The following RBFOX2 variants were observed in gnomAD, a reference collection of about 807,000 sequenced individuals.
RBFOX2 encodes the protein RNA binding protein fox-1 homolog 2.
Under a neutral mutation model 49.1 loss-of-function variants are expected in RBFOX2, and 10 were observed. That is an observed-to-expected ratio of 0.20 (90% CI 0.13 to 0.35). The LOEUF is 0.35. Among genes scored for constraint, RBFOX2 ranks in the 10% least tolerant of loss-of-function variants. The probability of loss-of-function intolerance (pLI) is 1.00; values close to 1 mark genes in which losing one functional copy is unlikely to be tolerated. For synonymous variants in RBFOX2, 183 were observed against 187.4 expected (o/e 0.98, Z 0.19); for missense variants, 323 against 486.9 (o/e 0.66, Z 3.17).
rs538290201 is a variant in RBFOX2 at position 35,772,094 on chromosome 22, T to C, written c.454-3745A>G. On this transcript the variant is annotated intron_variant, in intron 4 of 11. Transcript: ENST00000405409. ...TAATATATGTAACAAATAGATTATA[T>C]AATCTGTAACAAACAGATTTAATCT... Among the ~76,000 whole-genome samples, 4 of 152,316 alleles carry C rather than the reference T, an allele frequency of 2.6e-5. No individual in the cohort carries two copies. In the East Asian group the frequency reaches 7.7e-4, roughly 29 times the overall value.
At chr22:35,984,460 C>G (rs2057608099) in intron 1 of RBFOX2, among the ~76,000 whole-genome samples, 1 of 152,164 alleles carries the variant, frequency 6.6e-6, no homozygotes, top group African/African-American at 2.4e-5. Context: ...TGTTGCTAGA[C>G]TGAAGGCACA....
chr22:35,851,189 G>C (rs1180262307), intron 1 of RBFOX2, among the ~76,000 whole-genome samples: 4 of 152,166 alleles, frequency 2.6e-5, no homozygotes, highest in Non-Finnish European at 5.9e-5. Flanking sequence ...AGCATATTTT[G>C]ATGGTATTCT....
chr22:35,945,345 A>C (rs981648719), intron 1 of RBFOX2, among the ~76,000 whole-genome samples: 7 of 152,038 alleles, frequency 4.6e-5, no homozygotes, highest in Admixed American at 4.6e-4. Context: ...ATTGGGACAT[A>C]AAAGGAATGC....
chr22:35,948,238 G>GTATGCC (rs1569507160), intron 1 of RBFOX2, among the ~76,000 whole-genome samples: 3 of 152,114 alleles, frequency 2.0e-5, no homozygotes, highest in African/African-American at 7.2e-5. Context: ...GTATGACAAC[G>GTATGCC]TATGCTTCAT....
At chr22:35,996,171 C>T (rs1339749003) in intron 1 of RBFOX2, 2 of 152,134 alleles carry the variant, frequency 1.3e-5, no homozygotes, top group Admixed American at 6.5e-5. Flanking sequence ...CTTCTTCTAA[C>T]AAAGAAAATA....
At chr22:36,010,000 A>C (rs1009730877) in intron 1 of RBFOX2, among the ~76,000 whole-genome samples, 1 of 152,104 alleles carries the variant, frequency 6.6e-6, no homozygotes. Flanking sequence ...CCTAAAACCC[A>C]TCTCTTCTAA....
chr22:35,802,126 A>G (rs1328942937), intron 2 of RBFOX2, among the ~76,000 whole-genome samples: 1 of 152,164 alleles, frequency 6.6e-6, no homozygotes, highest in Non-Finnish European at 1.5e-5. Flanking sequence ...AACTATATAT[A>G]TAATGTAAAT....
chr22:35,978,319 T>C (rs1324168265), intron 1 of RBFOX2, among the ~76,000 whole-genome samples: 2 of 152,218 alleles, frequency 1.3e-5, no homozygotes, highest in Non-Finnish European at 2.9e-5. Flanking sequence ...TATATACGTA[T>C]ATAGCACAAA....
chr22:35,754,427 G>C (rs1361579218), intron 9 of RBFOX2, among the ~76,000 whole-genome samples: 1 of 152,094 alleles, frequency 6.6e-6, no homozygotes, highest in Non-Finnish European at 1.5e-5. Flanking sequence ...TAAATAGGTT[G>C]TATTTAAGAA....
chr22:35,778,913 T>C (rs1009640795), intron 3 of RBFOX2, among the ~76,000 whole-genome samples: 2 of 152,214 alleles, frequency 1.3e-5, no homozygotes, highest in African/African-American at 4.8e-5. Context: ...TATATTGCTT[T>C]TATTTTTTAA....
At chr22:35,995,992 G>A (rs192366255) in intron 1 of RBFOX2, 1 of 152,308 alleles carries the variant, frequency 6.6e-6, no homozygotes, top group African/African-American at 2.4e-5. Context: ...GCAAAATCCA[G>A]AGGACAGCTG....
At chr22:35,752,967 A>G (rs1935496116) in intron 9 of RBFOX2, among the ~76,000 whole-genome samples, 1 of 152,228 alleles carries the variant, frequency 6.6e-6, no homozygotes, top group Non-Finnish European at 1.5e-5. Flanking sequence ...TTCTCCAGAG[A>G]GGAATGTGCC....
At chr22:35,799,450 C>T (rs774931213) in intron 2 of RBFOX2, among the ~76,000 whole-genome samples, 1 of 152,130 alleles carries the variant, frequency 6.6e-6, no homozygotes, top group Admixed American at 6.5e-5. Context: ...AGGTTAAAAT[C>T]GATTTCTAAA....
intron 1 of RBFOX2, among the ~76,000 whole-genome samples, chr22:35,837,545 A>T (rs1957907195): frequency 6.6e-6 from 1 of 152,026 alleles, no homozygotes; most frequent in Admixed American, 6.6e-5. Flanking sequence ...AACACAACAC[A>T]ACCACAGGAC....
chr22:36,008,377 A>G (rs2058694408), intron 1 of RBFOX2, among the ~76,000 whole-genome samples: 1 of 152,188 alleles, frequency 6.6e-6, no homozygotes, highest in South Asian at 2.1e-4. Context: ...GTTACACAAT[A>G]AGAGAGGATT....
chr22:35,924,161 CT>C (rs1259776729), intron 1 of RBFOX2, among the ~76,000 whole-genome samples: 1 of 152,178 alleles, frequency 6.6e-6, no homozygotes, highest in East Asian at 1.9e-4. Flanking sequence ...AGTATTCCAC[CT>C]GTTAGCCCTC....
chr22:35,819,084 G>A (rs1953855824), intron 1 of RBFOX2, among the ~76,000 whole-genome samples: 1 of 152,146 alleles, frequency 6.6e-6, no homozygotes, highest in East Asian at 1.9e-4. Context: ...AAGTCAACCA[G>A]GGACTGAATC....
rs181545518 is a variant in RBFOX2 at position 36,014,406 on chromosome 22, G to A, written c.186+13834C>T. The stretch of plus-strand genomic sequence containing the variant: ...ATTACAAGCGTGAGCCACCGCGCCC[G>A]GCCACCTGTTATCATTTCTTAAAGA... On this transcript the variant is annotated intron_variant, in intron 1 of 13. Transcript: ENST00000438146. 1.1e-3 allele frequency among the ~76,000 whole-genome samples: 174 copies of A among 152,188 alleles called. 3 individuals are homozygous for A. The South Asian group carries it at 0.015, about 13-fold the overall frequency.
At chr22:35,895,929 G>A (rs767830853) in intron 1 of RBFOX2, among the ~76,000 whole-genome samples, 2 of 152,254 alleles carry the variant, frequency 1.3e-5, no homozygotes, top group Non-Finnish European at 2.9e-5. Context: ...TATGCCAGGC[G>A]AGTTTTCATT....
Sources: allele counts gnomAD v4.1 joint callset (sites outside exome capture counted in the v4.1 genomes callset), GRCh38; gene constraint gnomAD v4.1.1; transcripts MANE v1.5; gene names NCBI Gene and HGNC (gene_info 2026-07-23, HGNC 2026-07-21).